NRXN1: variants seen among roughly 807,000 people sequenced by gnomAD.
NRXN1 encodes the protein neurexin-1.
Under a neutral mutation model 150.9 loss-of-function variants are expected in NRXN1, and 39 were observed. The ratio of observed to expected loss-of-function variants is 0.26; its 90% CI spans 0.20 to 0.34. The LOEUF is 0.34. Among genes scored for constraint, NRXN1 ranks in the 10% least tolerant of loss-of-function variants. NRXN1 has a pLI of 1.00. For missense variants in NRXN1, 1,815 were observed against 1,949.9 expected (o/e 0.93, Z 1.30); for synonymous variants, 924 against 757.0 (o/e 1.22, Z -3.62).
intron 15 of NRXN1, among the ~76,000 whole-genome samples, chr2:50,487,890 T>C (rs13409159): frequency 0.055 from 8,407 of 152,236 alleles, 808 homozygotes; most frequent in African/African-American, 0.19. Context: ...TCCTCCTTCT[T>C]CTGGCATTTC....
chr2:50,698,299 T>C (rs1274859659), intron 5 of NRXN1, among the ~76,000 whole-genome samples: 15 of 152,188 alleles, frequency 9.9e-5, no homozygotes, highest in Non-Finnish European at 2.1e-4. Flanking sequence ...TTTTTCATCA[T>C]CTCACAAATA....
At position 50,660,482 on chromosome 2, in the gene NRXN1, C is replaced by A. The variant is rs138785893; in HGVS notation, c.833-36867G>T. Among the ~76,000 whole-genome samples, 693 of 152,136 alleles carry A rather than the reference C, an allele frequency of 4.6e-3. 5 individuals are homozygous for A. Among genetic ancestry groups the A allele is most frequent in the African/African-American group, 0.016 (644 of 41,534 alleles). On this transcript the variant is annotated intron_variant, in intron 5 of 22. Coordinates refer to ENST00000401669, the MANE Select transcript of NRXN1 (RefSeq NM_001330078.2). ...CTTGCAAAAAGAAATCTTTGCAAGT[C>A]AGTGCCACAATTAAGTCACGACCTA...
intron 17 of NRXN1, among the ~76,000 whole-genome samples, chr2:50,300,632 A>G (rs895880653): frequency 1.3e-5 from 2 of 152,164 alleles, no homozygotes; most frequent in African/African-American, 4.8e-5. Flanking sequence ...AGACGTGATG[A>G]GGTCCACTTC....
intron 5 of NRXN1, among the ~76,000 whole-genome samples, chr2:50,807,987 A>G (rs542715042): frequency 6.6e-6 from 1 of 152,268 alleles, no homozygotes; most frequent in East Asian, 1.9e-4. Flanking sequence ...AATAAAGTCC[A>G]CATCTCTGAA....
At chr2:50,845,032 T>C (rs770440415) in intron 5 of NRXN1, among the ~76,000 whole-genome samples, 3 of 152,072 alleles carry the variant, frequency 2.0e-5, no homozygotes, top group Admixed American at 6.5e-5. Flanking sequence ...TTTCAAAAAT[T>C]CTTTTGTGTA....
At chr2:50,377,109 A>C (rs1489981240) in intron 17 of NRXN1, among the ~76,000 whole-genome samples, 2 of 152,080 alleles carry the variant, frequency 1.3e-5, no homozygotes, top group Non-Finnish European at 2.9e-5. Context: ...AATTAATTTA[A>C]GATCCAAGAT....
intron 2 of NRXN1, among the ~76,000 whole-genome samples, chr2:50,935,351 A>C (rs1469302412): frequency 6.6e-6 from 1 of 152,208 alleles, no homozygotes. Flanking sequence ...TAATTCTAGA[A>C]AAGTCCAAGA....
intron 17 of NRXN1, among the ~76,000 whole-genome samples, chr2:50,278,770 G>C (rs1167680524): frequency 6.6e-6 from 1 of 152,082 alleles, no homozygotes; most frequent in Non-Finnish European, 1.5e-5. Context: ...GCAAAATATT[G>C]TGAACAGGCT....
chr2:50,456,894 G>A (rs977544146), intron 17 of NRXN1, among the ~76,000 whole-genome samples: 2 of 151,960 alleles, frequency 1.3e-5, no homozygotes, highest in Non-Finnish European at 2.9e-5. Context: ...ATAAACTCAG[G>A]TATAATTAAC....
intron 17 of NRXN1, among the ~76,000 whole-genome samples, chr2:50,317,019 T>A (rs1277184824): frequency 6.6e-6 from 1 of 151,992 alleles, no homozygotes; most frequent in Non-Finnish European, 1.5e-5. Context: ...AGGACATTAT[T>A]AAAGAGTATT....
chr2:50,320,374 TTTGA>T (rs1357772935), intron 17 of NRXN1, among the ~76,000 whole-genome samples: 54 of 142,762 alleles, frequency 3.8e-4, no homozygotes, highest in African/African-American at 1.3e-3. Context: ...AATGGGTTTG[TTTGA>T]TTAAGAAATA....
At chr2:50,676,864 C>T (rs1019358867) in intron 5 of NRXN1, among the ~76,000 whole-genome samples, 1 of 152,132 alleles carries the variant, frequency 6.6e-6, no homozygotes, top group Non-Finnish European at 1.5e-5. Context: ...AGCATTCATT[C>T]ATTTATTTTA....
rs555040985 is a variant in NRXN1, at chr2:50,220,857, A to C, written c.3546+15932T>G. 2.6e-5 allele frequency among the ~76,000 whole-genome samples: 4 copies of C among 152,128 alleles called. No individual in the cohort carries two copies. In the East Asian group the frequency reaches 7.8e-4, roughly 30 times the overall value. On this transcript the variant is annotated intron_variant, in intron 18 of 22. Coordinates refer to ENST00000401669, the MANE Select transcript of NRXN1 (RefSeq NM_001330078.2). The stretch of plus-strand genomic sequence containing the variant: ...ACACCAAACAACCACAATTCCCCTA[A>C]GCCACTCTGCTGACAAAAGTTATTG...
intron 17 of NRXN1, among the ~76,000 whole-genome samples, chr2:50,247,619 G>C (rs1215531900): frequency 2.0e-5 from 3 of 152,042 alleles, no homozygotes; most frequent in Non-Finnish European, 4.4e-5. Context: ...CCAAATTGAA[G>C]GACATTCTAG....
chr2:50,365,018 C>T (rs960234366), intron 17 of NRXN1, among the ~76,000 whole-genome samples: 1 of 151,902 alleles, frequency 6.6e-6, no homozygotes, highest in Admixed American at 6.6e-5. Flanking sequence ...CTGCTTTGAG[C>T]AAGGCTTTAC....
chr2:49,978,328 C>T (rs754525441), intron 21 of NRXN1, among the ~76,000 whole-genome samples: 33 of 152,210 alleles, frequency 2.2e-4, no homozygotes, highest in Middle Eastern at 3.4e-3. Context: ...CTTGGACCAC[C>T]CTACACCACA....
intron 18 of NRXN1, among the ~76,000 whole-genome samples, chr2:50,103,865 CCAAACAAA>C (rs70946889): frequency 5.3e-5 from 8 of 150,386 alleles, no homozygotes; most frequent in South Asian, 4.2e-4. Flanking sequence ...CAGCCATTGA[CCAAACAAA>C]CAAACAAACA....
intron 5 of NRXN1, among the ~76,000 whole-genome samples, chr2:50,810,168 C>A (rs1668019194): frequency 6.6e-6 from 1 of 152,090 alleles, no homozygotes; most frequent in Non-Finnish European, 1.5e-5. Flanking sequence ...GGCTTGAGTA[C>A]AAAGAACATG....
intron 17 of NRXN1, among the ~76,000 whole-genome samples, chr2:50,421,899 T>C (rs1029985044): frequency 5.3e-5 from 8 of 152,148 alleles, no homozygotes; most frequent in Admixed American, 2.0e-4. Context: ...TCTGTGACCA[T>C]TGATTAAAAA....
Sources: gnomAD v4.1 joint callset for allele counts (sites outside exome capture counted in the v4.1 genomes callset) on GRCh38, gnomAD v4.1.1 for gene constraint, MANE v1.5 for transcripts, NCBI Gene and HGNC (gene_info 2026-07-23, HGNC 2026-07-21) for gene names.